TTC39C: variants seen among roughly 807,000 people sequenced by gnomAD.
TTC39C encodes the protein tetratricopeptide repeat protein 39C.
In TTC39C, 33 loss-of-function variants were observed where a neutral mutation model predicts 76.3. The ratio of observed to expected loss-of-function variants is 0.43; its 90% CI spans 0.33 to 0.58. The LOEUF (loss-of-function observed/expected upper bound fraction) is 0.58. TTC39C is among the 20% of genes least tolerant of loss of function. The probability of loss-of-function intolerance (pLI) is 0.04; values close to 1 mark genes in which losing one functional copy is unlikely to be tolerated. For synonymous variants in TTC39C, 254 were observed against 260.6 expected, an observed-to-expected ratio of 0.97 and a Z score of 0.24; for missense variants, 595 against 701.4, an observed-to-expected ratio of 0.85 and a Z score of 1.71.
rs1473796713 is a variant in TTC39C, at chr18:24,069,384, T to TG, written c.460+117dup. On this transcript the variant is annotated intron_variant, in intron 4 of 13. Transcript: ENST00000317571. ...TCTTTGAACACATGTGGCACCTCTTTGGGGCATGATACTGATTTATTACTG... is the reference window on the plus strand; with the variant it reads ...TCTTTGAACACATGTGGCACCTCTTTGGGGGCATGATACTGATTTATTACTG... The TG allele has an allele frequency of 3.7e-6, 3 of 816,052 alleles. No homozygotes were observed. The South Asian group carries it at 5.2e-5, about 14-fold the overall frequency. The allele number at this position is 816,052 out of a possible 1,614,324, so 50.6% of individuals were successfully genotyped here.
chr18:24,043,616 T>TG (rs1381881130), intron 1 of TTC39C, among the ~76,000 whole-genome samples: 1 of 152,200 alleles, frequency 6.6e-6, no homozygotes, highest in Non-Finnish European at 1.5e-5. Context: ...GGGCTGTAGT[T>TG]GCTCAACACG....
At chr18:24,058,686 G>T (rs776272840) in intron 1 of TTC39C, among the ~76,000 whole-genome samples, 2 of 151,958 alleles carry the variant, frequency 1.3e-5, no homozygotes, top group Non-Finnish European at 2.9e-5. Context: ...AAATTATCAA[G>T]TTCATAATAA....
At chr18:24,054,638 C>A (rs1006356476) in intron 1 of TTC39C, among the ~76,000 whole-genome samples, 1 of 152,094 alleles carries the variant, frequency 6.6e-6, no homozygotes, top group Non-Finnish European at 1.5e-5. Context: ...ACATTAAATT[C>A]TATCAAAAAA....
At chr18:24,083,269 T>A (rs2084399238) in intron 6 of TTC39C, among the ~76,000 whole-genome samples, 188 bp downstream of exon 6, 1 of 152,144 alleles carries the variant, frequency 6.6e-6, no homozygotes, top group Non-Finnish European at 1.5e-5. Context: ...TCAGTTACCT[T>A]CTGTTCGGAA....
intron 6 of TTC39C, among the ~76,000 whole-genome samples, chr18:24,092,082 G>C (rs1197040436): frequency 1.0e-5 from 1 of 95,834 alleles, no homozygotes. Context: ...GACAGAGTGA[G>C]ACTCAGTCTC....
chr18:24,072,605 T>G (rs189836559), intron 4 of TTC39C, among the ~76,000 whole-genome samples: 1 of 152,240 alleles, frequency 6.6e-6, no homozygotes, highest in African/African-American at 2.4e-5. Context: ...TCAATGCTTC[T>G]TACTTTTAAA....
At position 24,131,934 on chromosome 18, in the gene TTC39C, A is replaced by G. The variant is rs139670158; in HGVS notation, c.1662+14A>G. 8.1e-6 allele frequency: 13 copies of G among 1,612,538 alleles called. 1 individual carries two copies. The East Asian group carries it at 2.9e-4, about 36-fold the overall frequency. ...CTTCAAGCAAAGGTAAATATCCTGA[A>G]TCTACCTTTCTCCAGTGGCCCTTCT... On this transcript the variant is annotated intron_variant, in intron 13 of 13. Transcript: ENST00000317571.
At chr18:24,032,867 G>A (rs2083687593) in intron 1 of TTC39C, among the ~76,000 whole-genome samples, 1 of 152,202 alleles carries the variant, frequency 6.6e-6, no homozygotes, top group Admixed American at 6.5e-5. Context: ...TTTATACAGG[G>A]GTTTGTAGAA....
intron 8 of TTC39C, among the ~76,000 whole-genome samples, chr18:24,123,110 G>A (rs1288950782): frequency 1.3e-5 from 2 of 152,206 alleles, no homozygotes; most frequent in Non-Finnish European, 2.9e-5. Flanking sequence ...CTAGGACAGA[G>A]AACTCCTCCT....
At chr18:24,104,636 T>C (rs938934176) in intron 6 of TTC39C, among the ~76,000 whole-genome samples, 4 of 151,944 alleles carry the variant, frequency 2.6e-5, no homozygotes, top group African/African-American at 9.7e-5. Context: ...TTTGGGCCAC[T>C]GCTTTATCTC....
intron 1 of TTC39C, among the ~76,000 whole-genome samples, chr18:24,033,239 T>C (rs1181738580): frequency 1.3e-5 from 2 of 152,216 alleles, no homozygotes. Flanking sequence ...GGCAACAGTG[T>C]GAGACTCTGT....
intron 8 of TTC39C, among the ~76,000 whole-genome samples, chr18:24,122,770 A>C (rs2084987543): frequency 6.6e-6 from 1 of 152,104 alleles, no homozygotes; most frequent in South Asian, 2.1e-4. Context: ...AGGTGTGCAC[A>C]TGATCATGAT....
intron 1 of TTC39C, among the ~76,000 whole-genome samples, chr18:24,009,299 C>A (rs2083378429): frequency 1.3e-5 from 2 of 152,188 alleles, no homozygotes; most frequent in Admixed American, 1.3e-4. Context: ...TACCATTTAA[C>A]ACTTCCCTTA....
chr18:24,042,600 C>T (rs1422921086), intron 1 of TTC39C, among the ~76,000 whole-genome samples: 2 of 152,144 alleles, frequency 1.3e-5, no homozygotes, highest in Non-Finnish European at 2.9e-5. Context: ...TCTTTATACA[C>T]GTTTTTACGC....
chr18:24,008,453 A>G (rs2083370473), intron 1 of TTC39C, among the ~76,000 whole-genome samples: 1 of 152,198 alleles, frequency 6.6e-6, no homozygotes, highest in Admixed American at 6.5e-5. Flanking sequence ...GATTAATACT[A>G]CCTTAGCATA....
At chr18:24,022,684 C>T in intron 1 of TTC39C, 12 of 985,374 alleles carry the variant, frequency 1.2e-5, no homozygotes, top group Non-Finnish European at 1.4e-5. Flanking sequence ...GAGATGTCAC[C>T]CCAAGCTTTA....
intron 7 of TTC39C, among the ~76,000 whole-genome samples, chr18:24,116,753 T>G (rs2084896576): frequency 6.6e-6 from 1 of 152,042 alleles, no homozygotes; most frequent in South Asian, 2.1e-4. Flanking sequence ...GTGTGTTGGA[T>G]TTTGATCCAC....
chr18:24,025,397 G>A (rs1046868324), intron 1 of TTC39C, among the ~76,000 whole-genome samples: 2 of 152,080 alleles, frequency 1.3e-5, no homozygotes, highest in African/African-American at 2.4e-5. Flanking sequence ...GTTTAGCTGC[G>A]GTTTGTTGAC....
intron 4 of TTC39C, among the ~76,000 whole-genome samples, chr18:24,075,067 G>A (rs1342244282): frequency 2.6e-5 from 4 of 151,704 alleles, no homozygotes; most frequent in African/African-American, 9.7e-5. Context: ...AACTAAACAC[G>A]CATGTTCTCA....
Sources: allele counts gnomAD v4.1 joint callset (sites outside exome capture counted in the v4.1 genomes callset), GRCh38; gene constraint gnomAD v4.1.1; transcripts MANE v1.5; gene names NCBI Gene and HGNC (gene_info 2026-07-23, HGNC 2026-07-21).